Variants in TMEM200A observed in about 807,000 individuals in gnomAD.
TMEM200A encodes transmembrane protein 200A.
A neutral mutation model predicts 24.3 loss-of-function variants in TMEM200A; 12 were observed. That is an observed-to-expected ratio of 0.49 (90% CI 0.32 to 0.80). The LOEUF (loss-of-function observed/expected upper bound fraction) is 0.80, where lower values mean the gene tolerates loss of function less well. Ranked by LOEUF, TMEM200A falls within the 30% of genes least tolerant of loss-of-function variation. TMEM200A has a pLI of 0.04. For missense variants in TMEM200A, 545 were observed against 614.4 expected (o/e 0.89, Z 1.19); for synonymous variants, 224 against 224.4 (o/e 1.00, Z 0.02).
intron 2 of TMEM200A, among the ~76,000 whole-genome samples, chr6:130,411,347 A>G (rs1779326582): frequency 6.6e-6 from 1 of 152,168 alleles, no homozygotes; most frequent in African/African-American, 2.4e-5. Context: ...TACAGTACAA[A>G]AAGCTGTTTT....
At chr6:130,428,467 C>T (rs1779799172) in intron 2 of TMEM200A, among the ~76,000 whole-genome samples, 1 of 152,068 alleles carries the variant, frequency 6.6e-6, no homozygotes, top group African/African-American at 2.4e-5. Flanking sequence ...TCTGCTCCTT[C>T]ATTTCACTTT....
chr6:130,373,837 C>T (rs1311123327), intron 1 of TMEM200A, among the ~76,000 whole-genome samples: 2 of 152,130 alleles, frequency 1.3e-5, no homozygotes, highest in Admixed American at 6.5e-5. Flanking sequence ...TTATGACTGA[C>T]AGTGCATGGA....
At chr6:130,405,214 G>A (rs1388275644) in intron 2 of TMEM200A, among the ~76,000 whole-genome samples, 1 of 152,130 alleles carries the variant, frequency 6.6e-6, no homozygotes, top group Non-Finnish European at 1.5e-5. Flanking sequence ...TAGTTTCATA[G>A]GAATAGCATT....
intron 2 of TMEM200A, among the ~76,000 whole-genome samples, chr6:130,423,872 G>A (rs1412579101): frequency 5.9e-5 from 9 of 152,050 alleles, no homozygotes; most frequent in Admixed American, 6.6e-5. Context: ...TCTGTTTTGA[G>A]CTATTTGAAT....
intron 2 of TMEM200A, among the ~76,000 whole-genome samples, chr6:130,411,015 A>G (rs1779317171): frequency 6.6e-6 from 1 of 152,182 alleles, no homozygotes; most frequent in African/African-American, 2.4e-5. Context: ...CTAAAAATAC[A>G]AAAATTAGCC....
At position 130,441,946 on chromosome 6, in the gene TMEM200A, T is replaced by G. The variant is rs964204474; in HGVS notation, c.*48T>G. On this transcript the variant is annotated 3_prime_UTR_variant, in exon 3 of 3. Transcript: ENST00000296978. ...ACAAGGGTATATATTTTAAAACGAT[T>G]TTCACTGGTGTTTCCTTCTTAAAGT... is the stretch of plus-strand genomic sequence containing the variant. The G allele has an allele frequency of 6.7e-7, 1 of 1,493,962 alleles. No individual in the cohort carries two copies. Among genetic ancestry groups the G allele is most frequent in the Non-Finnish European group, 9.0e-7 (1 of 1,112,822 alleles). 92.5% of individuals were successfully genotyped at this position (1,493,962 alleles called of 1,614,324 possible).
chr6:130,438,313 T>C (rs1388491645), intron 2 of TMEM200A: 1 of 152,192 alleles, frequency 6.6e-6, no homozygotes, highest in Non-Finnish European at 1.5e-5. Context: ...TTGTTAAAAC[T>C]GTAGATAACA....
At chr6:130,436,046 T>TTTTGCA (rs1779999649) in intron 2 of TMEM200A, among the ~76,000 whole-genome samples, 1 of 152,162 alleles carries the variant, frequency 6.6e-6, no homozygotes, top group Admixed American at 6.5e-5. Flanking sequence ...AGCAGCATTC[T>TTTTGCA]TTTGCATTTG....
intron 2 of TMEM200A, among the ~76,000 whole-genome samples, chr6:130,390,205 A>G (rs573956107): frequency 1.3e-5 from 2 of 152,372 alleles, no homozygotes; most frequent in South Asian, 4.1e-4. Flanking sequence ...ATTATAAGTC[A>G]TACAGTTTTG....
intron 2 of TMEM200A, among the ~76,000 whole-genome samples, chr6:130,420,342 T>A (rs1249328881): frequency 6.6e-6 from 1 of 152,182 alleles, no homozygotes; most frequent in East Asian, 1.9e-4. Context: ...ATGTCCATTG[T>A]GATTTGGCCA....
In TMEM200A at chr6:130,422,390, T is replaced by G. The variant is rs144999893; in HGVS notation, c.-16-18017T>G. Among the ~76,000 whole-genome samples, 595 of 152,288 alleles carry G rather than the reference T, an allele frequency of 3.9e-3. 3 individuals carry two copies. Among genetic ancestry groups the G allele is most frequent in the African/African-American group, 0.014 (562 of 41,570 alleles). On this transcript the variant is annotated intron_variant, in intron 2 of 2. Transcript: ENST00000296978. ...TTCAAGTGATTCTACTGCATCAGCC[T>G]CCTAAGCAGCTGGGACTAAAAATGC...
Position 130,366,680 on chromosome 6 carries a change from A to T in TMEM200A, c.-81+156A>T, listed in dbSNP as rs894305730. On this transcript the variant is annotated intron_variant, in intron 1 of 2. Coordinates refer to ENST00000296978, the MANE Select transcript of TMEM200A (RefSeq NM_001258277.2). This position sits in a 1 kb window ranked among gnomAD's most constrained non-coding sequence, Gnocchi z 4.4. ...CTGTCTCTCCTAAAGTTTGGGAAAT[A>T]AACCAAGTCCGCCATCAGGTCCAGA... 7.4e-6 allele frequency: 5 copies of T among 676,052 alleles called. No homozygotes were observed. The African/African-American group carries it at 9.8e-5, about 13-fold the overall frequency. 41.9% of individuals were successfully genotyped at this position (676,052 alleles called of 1,614,324 possible). A position where few individuals can be genotyped will look rare whatever the true frequency, so the allele number is the denominator to read the frequency against.
At chr6:130,397,550 A>G (rs1344959668) in intron 2 of TMEM200A, among the ~76,000 whole-genome samples, 2 of 152,004 alleles carry the variant, frequency 1.3e-5, no homozygotes, top group Non-Finnish European at 2.9e-5. Context: ...GTTGTTATAC[A>G]AGCTTTCTTT....
chr6:130,392,509 C>T (rs1403692497), intron 2 of TMEM200A, among the ~76,000 whole-genome samples: 1 of 152,168 alleles, frequency 6.6e-6, no homozygotes, highest in African/African-American at 2.4e-5. Flanking sequence ...ACAGCAGTAG[C>T]CTTTTAAGCC....
rs1260063501 is a variant in TMEM200A at position 130,366,207 on chromosome 6, G to A, written c.-398G>A. 3 of 985,068 alleles carry A rather than the reference G, an allele frequency of 3.0e-6. No homozygotes were observed. The highest frequency in any genetic ancestry group is 1.7e-5 in the African/African-American group (1 of 57,212). 61.0% of individuals were successfully genotyped at this position (985,068 alleles called of 1,614,324 possible). On this transcript the variant is annotated 5_prime_UTR_variant, in exon 1 of 3. Transcript: ENST00000296978. This position sits in a 1 kb window ranked among gnomAD's most constrained non-coding sequence, Gnocchi z 4.4. The stretch of plus-strand genomic sequence containing the variant: ...CGGCGGCCCTCTGTGAGCACCGGCA[G>A]CGGCGCATCCCCTGCCCCGAGGCCT...
chr6:130,399,352 T>C (rs1779028774), intron 2 of TMEM200A, among the ~76,000 whole-genome samples: 1 of 152,080 alleles, frequency 6.6e-6, no homozygotes, highest in Admixed American at 6.6e-5. Context: ...TGTCTTTGAA[T>C]TGCCTGTTTC....
chr6:130,413,787 C>A (rs1779386136), intron 2 of TMEM200A, among the ~76,000 whole-genome samples: 1 of 152,202 alleles, frequency 6.6e-6, no homozygotes, highest in African/African-American at 2.4e-5. Context: ...GCTGCATGAC[C>A]AGCCCCTTGT....
intron 2 of TMEM200A, among the ~76,000 whole-genome samples, chr6:130,395,370 A>G (rs1438233766): frequency 6.6e-6 from 1 of 152,224 alleles, no homozygotes; most frequent in Non-Finnish European, 1.5e-5. Context: ...GTGGAAAAGC[A>G]GCTCCAATCG....
At chr6:130,432,214 G>T (rs1196846954) in intron 2 of TMEM200A, among the ~76,000 whole-genome samples, 1 of 152,234 alleles carries the variant, frequency 6.6e-6, no homozygotes, top group Non-Finnish European at 1.5e-5. Flanking sequence ...AATGGAAACA[G>T]AATAGTGCGT....
Sources: allele counts gnomAD v4.1 joint callset (sites outside exome capture counted in the v4.1 genomes callset), GRCh38; gene constraint gnomAD v4.1.1; non-coding constraint Gnocchi (gnomAD v3.1); transcripts MANE v1.5; gene names NCBI Gene and HGNC (gene_info 2026-07-23, HGNC 2026-07-21).